Variants in SLC5A3 observed in about 807,000 individuals in gnomAD.
SLC5A3 encodes the protein solute carrier family 5 member 3, also known as sodium/myo-inositol cotransporter.
A neutral mutation model predicts 43.2 loss-of-function variants in SLC5A3; 10 were observed. The ratio of observed to expected loss-of-function variants is 0.23; its 90% CI spans 0.14 to 0.39. SLC5A3 has a LOEUF of 0.39. Among genes scored for constraint, SLC5A3 ranks in the 10% least tolerant of loss-of-function variants. The probability of loss-of-function intolerance (pLI) is 1.00; values close to 1 mark genes in which losing one functional copy is unlikely to be tolerated. For synonymous variants in SLC5A3, 349 were observed against 322.0 expected (o/e 1.08, Z -0.90); for missense variants, 608 against 893.4 (o/e 0.68, Z 4.07).
chr21:34,087,333 T>C lies in SLC5A3; in HGVS notation c.-336-7530T>C, dbSNP rs572012490. On this transcript the variant is annotated intron_variant, in intron 1 of 1. Transcript: ENST00000381151. The stretch of plus-strand genomic sequence containing the variant: ...CCACTGTTGATGGTAATATAGGATA[T>C]TGGAAGTTTAGCAGTCTTGATGGCG... Among the ~76,000 whole-genome samples, 5 of 152,264 alleles carry C rather than the reference T, an allele frequency of 3.3e-5. No individual in the cohort carries two copies. The East Asian group carries it at 7.7e-4, about 23-fold the overall frequency.
In SLC5A3 at chr21:34,099,250, C is replaced by T. The variant is rs927243925; in HGVS notation, c.*1895C>T. 1 of 999,994 alleles carries T rather than the reference C, an allele frequency of 1.0e-6. No homozygotes were observed. The highest frequency in any genetic ancestry group is 1.2e-6 in the Non-Finnish European group (1 of 829,966). The allele number at this position is 999,994 out of a possible 1,614,324, so 61.9% of individuals were successfully genotyped here. A position where few individuals can be genotyped will look rare whatever the true frequency, so the allele number is the denominator to read the frequency against. On this transcript the variant is annotated 3_prime_UTR_variant, in exon 2 of 2. Coordinates refer to ENST00000381151, the MANE Select transcript of SLC5A3 (RefSeq NM_006933.7). ...ATTTGGGGGCCAAATAGATAGAGCT[C>T]ATCATTTTCTTGTTTGGAAGTTGAG... is the stretch of plus-strand genomic sequence containing the variant.
At chr21:34,082,834 T>TAC (rs1989490062) in intron 1 of SLC5A3, among the ~76,000 whole-genome samples, 1 of 152,178 alleles carries the variant, frequency 6.6e-6, no homozygotes, top group African/African-American at 2.4e-5. Context: ...TGGCCCAAGG[T>TAC]GTAATTGACT....
chr21:34,079,966 CTGAA>C, intron 1 of SLC5A3, among the ~76,000 whole-genome samples: 1 of 152,242 alleles, frequency 6.6e-6, no homozygotes, highest in East Asian at 1.9e-4. Context: ...TCATCTGGGG[CTGAA>C]CAAATGCAGT....
chr21:34,086,517 TTGTGTGTGTGTGTG>T (rs34988334), intron 1 of SLC5A3, among the ~76,000 whole-genome samples: 505 of 148,384 alleles, frequency 3.4e-3, no homozygotes, highest in Non-Finnish European at 5.3e-3. Context: ...TAGTTTGTGT[TTGTGTGTGTGTGTG>T]TGTGTGTGTG....
rs908823670 is a variant in SLC5A3 at position 34,103,389 on chromosome 21, G to A, written c.*6034G>A. 1.1e-5 allele frequency: 11 copies of A among 996,240 alleles called. No homozygotes were observed. The African/African-American group carries it at 1.2e-4, about 11-fold the overall frequency. The allele number at this position is 996,240 out of a possible 1,614,324, so 61.7% of individuals were successfully genotyped here. A position where few individuals can be genotyped will look rare whatever the true frequency, so the allele number is the denominator to read the frequency against. ...CTTTATTTAGGTTCAGTGAAACCAG[G>A]TAGTTCTGTATTTGTGTTGTAGCCT... is the stretch of plus-strand genomic sequence containing the variant. On this transcript the variant is annotated 3_prime_UTR_variant, in exon 2 of 2. Coordinates refer to ENST00000381151, the MANE Select transcript of SLC5A3 (RefSeq NM_006933.7).
chr21:34,101,952 T>C lies in SLC5A3; in HGVS notation c.*4597T>C, dbSNP rs916090940. ...AGAGTGCAGAGAAACAATGGAGTTT[T>C]GATGCCAAAAAGGTTTTTTTGCAGT... On this transcript the variant is annotated 3_prime_UTR_variant, in exon 2 of 2. Transcript: ENST00000381151. 1.0e-6 allele frequency: 1 copy of C among 1,000,076 alleles called. No individual in the cohort carries two copies. Among genetic ancestry groups the C allele is most frequent in the African/African-American group, 1.7e-5 (1 of 57,234 alleles). 62.0% of individuals were successfully genotyped at this position (1,000,076 alleles called of 1,614,324 possible).
Position 34,103,066 on chromosome 21 carries a change from T to C in SLC5A3, c.*5711T>C. 1.0e-6 allele frequency: 1 copy of C among 1,000,114 alleles called. No individual in the cohort carries two copies. The highest frequency in any genetic ancestry group is 1.2e-6 in the Non-Finnish European group (1 of 829,916). The allele number at this position is 1,000,114 out of a possible 1,614,324, so 62.0% of individuals were successfully genotyped here. Reference sequence around the variant, plus strand: ...TAGACTTCTGTAAGTGGAATGTTCATTAGTAACTCATCTTTTTGTTGTTAT... The same window carrying C: ...TAGACTTCTGTAAGTGGAATGTTCACTAGTAACTCATCTTTTTGTTGTTAT... On this transcript the variant is annotated 3_prime_UTR_variant, in exon 2 of 2. Transcript: ENST00000381151.
Position 34,104,448 on chromosome 21 carries a change from A to G in SLC5A3, c.*7093A>G. The G allele has an allele frequency of 2.0e-6, 2 of 999,856 alleles. No individual in the cohort carries two copies. Among genetic ancestry groups the G allele is most frequent in the South Asian group, 4.7e-5 (1 of 21,280 alleles). 61.9% of individuals were successfully genotyped at this position (999,856 alleles called of 1,614,324 possible). A position where few individuals can be genotyped will look rare whatever the true frequency, so the allele number is the denominator to read the frequency against. ...TTAAATTTTGCCCATGTGTTAAAAGATGTAATTCTCAGAATGGGAGAGAAA... is the reference window on the plus strand; with the variant it reads ...TTAAATTTTGCCCATGTGTTAAAAGGTGTAATTCTCAGAATGGGAGAGAAA... On this transcript the variant is annotated 3_prime_UTR_variant, in exon 2 of 2. Coordinates refer to ENST00000381151, the MANE Select transcript of SLC5A3 (RefSeq NM_006933.7).
intron 1 of SLC5A3, among the ~76,000 whole-genome samples, chr21:34,085,109 T>C (rs2148654963): frequency 6.6e-6 from 1 of 152,356 alleles, no homozygotes; most frequent in East Asian, 1.9e-4. Context: ...TTTTAGTGTT[T>C]TAATTCAGTA....
rs1471585092 is a variant in SLC5A3 at position 34,100,024 on chromosome 21, C to T, written c.*2669C>T. On this transcript the variant is annotated 3_prime_UTR_variant, in exon 2 of 2. Transcript: ENST00000381151. ...AAGCTAGCAAAATGTTCATACTTTA[C>T]ACTGACTAAATGGGTCCTAAATGAT... The T allele has an allele frequency of 1.1e-6, 1 of 895,572 alleles. No individual in the cohort carries two copies. Among genetic ancestry groups the T allele is most frequent in the Non-Finnish European group, 1.4e-6 (1 of 734,616 alleles). The allele number at this position is 895,572 out of a possible 1,614,324, so 55.5% of individuals were successfully genotyped here.
At chr21:34,081,017 C>G (rs1221121155) in intron 1 of SLC5A3, among the ~76,000 whole-genome samples, 4 of 151,976 alleles carry the variant, frequency 2.6e-5, no homozygotes, top group African/African-American at 9.7e-5. Flanking sequence ...GAGTGCAAAC[C>G]TTTGTTTCCT....
intron 1 of SLC5A3, among the ~76,000 whole-genome samples, chr21:34,087,045 G>GA (rs1301822928): frequency 1.3e-5 from 2 of 152,228 alleles, no homozygotes; most frequent in Non-Finnish European, 2.9e-5. Context: ...TTCCGCAGTG[G>GA]AGTTAGCACA....
Position 34,099,783 on chromosome 21 carries a change from A to G in SLC5A3, c.*2428A>G, listed in dbSNP as rs1979151198. ...AGTCTGTAAATAAGGAATGACTATT[A>G]GCATATTCATTAGAATTGTTTATTC... On this transcript the variant is annotated 3_prime_UTR_variant, in exon 2 of 2. Coordinates refer to ENST00000381151, the MANE Select transcript of SLC5A3 (RefSeq NM_006933.7). 4 of 816,614 alleles carry G rather than the reference A, an allele frequency of 4.9e-6. No homozygotes were observed. In the South Asian group the frequency reaches 1.7e-4, roughly 35 times the overall value. 50.6% of individuals were successfully genotyped at this position (816,614 alleles called of 1,614,324 possible).
At position 34,103,315 on chromosome 21, in the gene SLC5A3, T is replaced by TAAAAAAAAA; in HGVS notation, c.*5968_*5976dup. ...ATTTTGTCGTAACTAGTGAAGGAAGTAAAAAAAAAAAAAAAACATGCATTA... is the reference window on the plus strand; with the variant it reads ...ATTTTGTCGTAACTAGTGAAGGAAGTAAAAAAAAAAAAAAAAAAAAAAAAACATGCATTA... On this transcript the variant is annotated 3_prime_UTR_variant, in exon 2 of 2. Coordinates refer to ENST00000381151, the MANE Select transcript of SLC5A3 (RefSeq NM_006933.7). The TAAAAAAAAA allele has an allele frequency of 2.2e-5, 20 of 911,336 alleles. No homozygotes were observed. In the South Asian group the frequency reaches 2.6e-4, roughly 12 times the overall value. 56.5% of individuals were successfully genotyped at this position (911,336 alleles called of 1,614,324 possible).
At chr21:34,090,504 T>G (rs919576183) in intron 1 of SLC5A3, among the ~76,000 whole-genome samples, 1 of 152,238 alleles carries the variant, frequency 6.6e-6, no homozygotes, top group African/African-American at 2.4e-5. Flanking sequence ...CTAAAATGTT[T>G]GAGAGAGCTG....
Position 34,099,880 on chromosome 21 carries a change from T to TA in SLC5A3, c.*2526dup. On this transcript the variant is annotated 3_prime_UTR_variant, in exon 2 of 2. Transcript: ENST00000381151. ...TGTCTTTCTTATTGCTTCCCAGTAA[T>TA]AGATAATGTGCTCGAGTAAGTTTGT... 2.7e-6 allele frequency: 1 copy of TA among 372,540 alleles called. No individual in the cohort carries two copies. Among genetic ancestry groups the TA allele is most frequent in the Non-Finnish European group, 3.9e-6 (1 of 256,736 alleles). 23.1% of individuals were successfully genotyped at this position (372,540 alleles called of 1,614,324 possible). A position where few individuals can be genotyped will look rare whatever the true frequency, so the allele number is the denominator to read the frequency against.
At position 34,104,210 on chromosome 21, in the gene SLC5A3, A is replaced by G. The variant is rs1979374952; in HGVS notation, c.*6855A>G. 1 of 1,000,134 alleles carries G rather than the reference A, an allele frequency of 1.0e-6. No homozygotes were observed. Among genetic ancestry groups the G allele is most frequent in the South Asian group, 4.7e-5 (1 of 21,288 alleles). 62.0% of individuals were successfully genotyped at this position (1,000,134 alleles called of 1,614,324 possible). A position where few individuals can be genotyped will look rare whatever the true frequency, so the allele number is the denominator to read the frequency against. On this transcript the variant is annotated 3_prime_UTR_variant, in exon 2 of 2. Transcript: ENST00000381151. Reference sequence around the variant, plus strand: ...CTGAGCATCAGACTAATTCTGAAGCATATTTGCTAGAGGAGCTACTTTGCT... The same window carrying G: ...CTGAGCATCAGACTAATTCTGAAGCGTATTTGCTAGAGGAGCTACTTTGCT...
chr21:34,083,675 C>CT, intron 1 of SLC5A3, among the ~76,000 whole-genome samples: 1 of 152,260 alleles, frequency 6.6e-6, no homozygotes. Context: ...TATCTTGAAG[C>CT]TTTAAGACAC....
At position 34,102,275 on chromosome 21, in the gene SLC5A3, A is replaced by G; in HGVS notation, c.*4920A>G. The G allele has an allele frequency of 1.0e-6, 1 of 999,786 alleles. No homozygotes were observed. Among genetic ancestry groups the G allele is most frequent in the Non-Finnish European group, 1.2e-6 (1 of 829,686 alleles). 61.9% of individuals were successfully genotyped at this position (999,786 alleles called of 1,614,324 possible). On this transcript the variant is annotated 3_prime_UTR_variant, in exon 2 of 2. Coordinates refer to ENST00000381151, the MANE Select transcript of SLC5A3 (RefSeq NM_006933.7). ...ACACCATTATTCACTTAGTAGTCAT[A>G]TAAATGTTTTTATTTAAACTTCTCT...
Sources: gnomAD v4.1 joint callset for allele counts (sites outside exome capture counted in the v4.1 genomes callset) on GRCh38, gnomAD v4.1.1 for gene constraint, MANE v1.5 for transcripts, NCBI Gene and HGNC (gene_info 2026-07-23, HGNC 2026-07-21) for gene names.